LRBA: variants seen among roughly 807,000 people sequenced by gnomAD.
The protein encoded by LRBA is LPS responsive beige-like anchor protein, also known as lipopolysaccharide-responsive and beige-like anchor protein.
A neutral mutation model predicts 330.0 loss-of-function variants in LRBA; 176 were observed. The observed-to-expected ratio is 0.53, with a 90% CI of 0.47 to 0.60. The LOEUF (loss-of-function observed/expected upper bound fraction) is 0.60. Among genes scored for constraint, LRBA ranks in the 20% least tolerant of loss-of-function variants. The pLI, the probability that LRBA is intolerant of heterozygous loss-of-function variation, is 0.00. For missense variants in LRBA, 3,259 were observed against 3,444.8 expected (o/e 0.95, Z 1.35); for synonymous variants, 1,230 against 1,193.0 (o/e 1.03, Z -0.64).
intron 42 of LRBA, among the ~76,000 whole-genome samples, chr4:150,472,939 ACATT>A (rs1204972410): frequency 2.0e-5 from 3 of 152,146 alleles, no homozygotes; most frequent in African/African-American, 7.2e-5. Context: ...GCTACCATAA[ACATT>A]CATGTATATA....
chr4:150,561,398 G>A (rs1302480057), intron 40 of LRBA, among the ~76,000 whole-genome samples: 1 of 152,156 alleles, frequency 6.6e-6, no homozygotes, highest in East Asian at 1.9e-4. Context: ...AAAAGGCAAA[G>A]AGGAATTACA....
At chr4:150,716,735 C>T (rs1390266466) in intron 36 of LRBA, among the ~76,000 whole-genome samples, 1 of 152,072 alleles carries the variant, frequency 6.6e-6, no homozygotes, top group Non-Finnish European at 1.5e-5. Flanking sequence ...AAATACATAA[C>T]ACTAAAATAT....
chr4:150,365,718 G>A (rs189871071), intron 47 of LRBA, among the ~76,000 whole-genome samples: 3 of 150,796 alleles, frequency 2.0e-5, no homozygotes, highest in Non-Finnish European at 4.4e-5. Flanking sequence ...TTGAACCAGG[G>A]AGACAGAGGT....
intron 40 of LRBA, among the ~76,000 whole-genome samples, chr4:150,536,129 A>G (rs1764632272): frequency 6.6e-6 from 1 of 152,208 alleles, no homozygotes. Flanking sequence ...TCAACAAGCC[A>G]GTGTTATGAG....
chr4:150,559,868 T>C (rs1440841707), intron 40 of LRBA, among the ~76,000 whole-genome samples: 1 of 17,542 alleles, frequency 5.7e-5, no homozygotes, highest in Non-Finnish European at 1.3e-4. Context: ...TTATATATAA[T>C]ATATAATTAT....
intron 47 of LRBA, among the ~76,000 whole-genome samples, chr4:150,370,848 G>C (rs1581134412): frequency 6.6e-6 from 1 of 152,102 alleles, no homozygotes; most frequent in Admixed American, 6.5e-5. Flanking sequence ...AAATAAAACT[G>C]ATAATTTTTT....
intron 46 of LRBA, among the ~76,000 whole-genome samples, chr4:150,426,788 A>C (rs760860925): frequency 1.3e-4 from 20 of 151,910 alleles, no homozygotes; most frequent in Non-Finnish European, 2.8e-4. Flanking sequence ...CTTCCTGCCA[A>C]ATAACTATGA....
At chr4:150,982,150 T>C (rs1375279163) in intron 2 of LRBA, among the ~76,000 whole-genome samples, 1 of 152,088 alleles carries the variant, frequency 6.6e-6, no homozygotes, top group African/African-American at 2.4e-5. Context: ...AGACCCACCA[T>C]ACACACTAGA....
chr4:150,925,473 T>C (rs1429206505), intron 4 of LRBA, among the ~76,000 whole-genome samples: 1 of 152,228 alleles, frequency 6.6e-6, no homozygotes, highest in Non-Finnish European at 1.5e-5. Context: ...TTAACATGAC[T>C]AAGTAGCACT....
rs775229217 is a variant in LRBA at position 150,929,002 on chromosome 4, A to T, written c.280T>A (p.Cys94Ser). Residue 94 changes from cysteine to serine, a missense_variant, in exon 3 of 57, where the codon TGC becomes AGC. By Grantham distance (112) the Cys-to-Ser change is moderately radical (BLOSUM62 -1). Coordinates refer to ENST00000651943, the MANE Select transcript of LRBA (RefSeq NM_001364905.1). ...CATTTTTCCAGTAGGTCCACCATGCAGTTAATACTCTCACCTTCTTGGATA... is the reference window on the plus strand; with the variant it reads ...CATTTTTCCAGTAGGTCCACCATGCTGTTAATACTCTCACCTTCTTGGATA... ...FIIQEGESIN[C>S]MVDLLEKCDI... 3.7e-6 allele frequency: 6 copies of T among 1,613,772 alleles called. No homozygotes were observed. In the African/African-American group the frequency reaches 8.0e-5, roughly 22 times the overall value.
chr4:150,648,999 T>A (rs954246882), intron 37 of LRBA, among the ~76,000 whole-genome samples: 1 of 152,158 alleles, frequency 6.6e-6, no homozygotes, highest in Non-Finnish European at 1.5e-5. Flanking sequence ...ACCAGTACCT[T>A]CTTGGTTCCA....
chr4:150,650,796 A>G (rs1779635406), intron 37 of LRBA, among the ~76,000 whole-genome samples: 1 of 152,172 alleles, frequency 6.6e-6, no homozygotes, highest in Non-Finnish European at 1.5e-5. Context: ...AAAGACCAAA[A>G]AAAAAAGTCT....
At chr4:151,004,819 C>G (rs1743814358) in intron 2 of LRBA, among the ~76,000 whole-genome samples, 1 of 151,958 alleles carries the variant, frequency 6.6e-6, no homozygotes, top group South Asian at 2.1e-4. Flanking sequence ...AACCCCATCT[C>G]TACTCAAGTA....
At chr4:150,943,419 A>T (rs1213908396) in intron 2 of LRBA, among the ~76,000 whole-genome samples, 1 of 152,168 alleles carries the variant, frequency 6.6e-6, no homozygotes. Context: ...CATAAATAGC[A>T]TTCTTCAACA....
chr4:150,909,723 T>C (rs1344887224), intron 9 of LRBA, among the ~76,000 whole-genome samples: 2 of 152,210 alleles, frequency 1.3e-5, no homozygotes, highest in Admixed American at 1.3e-4. Flanking sequence ...TTTTAATTTT[T>C]TGAGGAACCT....
chr4:150,729,002 G>A (rs1045554086), intron 36 of LRBA, among the ~76,000 whole-genome samples: 1 of 152,132 alleles, frequency 6.6e-6, no homozygotes, highest in Admixed American at 6.6e-5. Context: ...CAGTAAAGTT[G>A]CAGTATACAA....
At chr4:150,584,181 G>A (rs1771790225) in intron 40 of LRBA, 16 of 1,419,608 alleles carry the variant, frequency 1.1e-5, no homozygotes, top group Non-Finnish European at 3.7e-6. Flanking sequence ...GCTATAAACA[G>A]CAGAAACTCT....
chr4:150,436,615 AC>A, intron 45 of LRBA, 108 bp downstream of exon 45: 1 of 812,790 alleles, frequency 1.2e-6, no homozygotes, highest in East Asian at 2.8e-5. Flanking sequence ...AATAATTTAA[AC>A]TGACTCTTTT....
At chr4:150,294,833 T>A (rs918727923) in intron 53 of LRBA, among the ~76,000 whole-genome samples, 7 of 152,062 alleles carry the variant, frequency 4.6e-5, no homozygotes, top group Admixed American at 3.9e-4. Context: ...CCACATGTAG[T>A]CCCAGCTACT....
Sources: allele counts gnomAD v4.1 joint callset (sites outside exome capture counted in the v4.1 genomes callset), GRCh38; gene constraint gnomAD v4.1.1; transcripts MANE v1.5; gene names NCBI Gene and HGNC (gene_info 2026-07-23, HGNC 2026-07-21).